The following FAM169A variants were observed in gnomAD, a reference collection of about 807,000 sequenced individuals.
FAM169A encodes the protein soluble lamin-associated protein of 75 kDa.
FAM169A carries 24 observed loss-of-function variants against 75.7 expected under a neutral mutation model. The observed-to-expected ratio is 0.32, with a 90% CI of 0.23 to 0.45. The LOEUF (loss-of-function observed/expected upper bound fraction) is 0.45. Among genes scored for constraint, FAM169A ranks in the 20% least tolerant of loss-of-function variants. FAM169A has a pLI of 1.00. For synonymous variants in FAM169A, 271 were observed against 271.0 expected (o/e 1.00, Z 0.00); for missense variants, 673 against 784.0 (o/e 0.86, Z 1.69).
At chr5:74,822,607 C>T (rs1234417885) in intron 5 of FAM169A, among the ~76,000 whole-genome samples, 1 of 152,140 alleles carries the variant, frequency 6.6e-6, no homozygotes, top group South Asian at 2.1e-4. Flanking sequence ...TTCCTCATAC[C>T]AATATTCACA....
At chr5:74,797,368 G>C (rs886837509) in intron 10 of FAM169A, among the ~76,000 whole-genome samples, 1 of 152,080 alleles carries the variant, frequency 6.6e-6, no homozygotes, top group African/African-American at 2.4e-5. Context: ...GTAGTGACAG[G>C]GTTTTGCCAT....
chr5:74,852,050 CAT>C (rs1749470114), intron 1 of FAM169A, among the ~76,000 whole-genome samples: 1 of 152,104 alleles, frequency 6.6e-6, no homozygotes, highest in African/African-American at 2.4e-5. Context: ...TTAAAGGAAA[CAT>C]GTCTAACTCA....
At chr5:74,839,917 T>C (rs924730427) in intron 3 of FAM169A, among the ~76,000 whole-genome samples, 157 bp downstream of exon 3, 9 of 152,082 alleles carry the variant, frequency 5.9e-5, no homozygotes, top group African/African-American at 1.2e-4. Context: ...CCATCAAACA[T>C]GTAGCTATAA....
At chr5:74,798,869 A>T in intron 10 of FAM169A, 1 of 516,150 alleles carries the variant, frequency 1.9e-6, no homozygotes, top group East Asian at 4.2e-5. Context: ...AGTAAAATTG[A>T]GGGTATTTTA....
In FAM169A at chr5:74,781,799, C is replaced by T. The variant is rs1344797833; in HGVS notation, c.1674G>A (p.Glu558=). ...IAEFSEEPVS[E]NLSPNTTSSL... is the part of the protein sequence containing the mutation. ...AGGAAGTAGTATTAGGAGACAAATT[C>T]TCAGAGACCGGTTCTTCGGAAAATT... is the stretch of plus-strand genomic sequence containing the variant. Residue 558 remains glutamate, a synonymous_variant, in exon 13 of 13, where the codon GAG becomes GAA. Transcript: ENST00000687041. 6.2e-6 allele frequency: 10 copies of T among 1,614,092 alleles called. No homozygotes were observed. In the South Asian group the frequency reaches 1.1e-4, roughly 18 times the overall value.
At chr5:74,861,719 A>G (rs1276519785) in intron 1 of FAM169A, among the ~76,000 whole-genome samples, 1 of 152,158 alleles carries the variant, frequency 6.6e-6, no homozygotes, top group Non-Finnish European at 1.5e-5. Flanking sequence ...CTCTCCTCAC[A>G]TTGTATGTTA....
intron 9 of FAM169A, 76 bp downstream of exon 9, chr5:74,801,514 T>C (rs2112530184): frequency 9.1e-7 from 1 of 1,102,458 alleles, no homozygotes; most frequent in Non-Finnish European, 1.4e-6. Context: ...CACACACACA[T>C]GCATGCACAC....
chr5:74,846,823 G>C (rs1238078407), intron 1 of FAM169A, among the ~76,000 whole-genome samples: 1 of 152,122 alleles, frequency 6.6e-6, no homozygotes, highest in Non-Finnish European at 1.5e-5. Flanking sequence ...TCAGCCTCCA[G>C]TGTGATTATG....
At chr5:74,857,589 A>AC (rs1749786373) in intron 1 of FAM169A, among the ~76,000 whole-genome samples, 1 of 149,710 alleles carries the variant, frequency 6.7e-6, no homozygotes, top group African/African-American at 2.4e-5. Context: ...AAAAAAAAAA[A>AC]AAAAAAAAAA....
intron 1 of FAM169A, among the ~76,000 whole-genome samples, chr5:74,842,864 T>C (rs145615846): frequency 8.3e-4 from 127 of 152,274 alleles, no homozygotes; most frequent in African/African-American, 2.9e-3. Flanking sequence ...AGAGGCATAA[T>C]AACTGGGGTG....
chr5:74,781,402 T>C lies in FAM169A; in HGVS notation c.*58A>G. ...CCATGCTGTTTATTAATTACCATAT[T>C]TTAAAAACAACAACTATGTTACAAA... On this transcript the variant is annotated 3_prime_UTR_variant, in exon 13 of 13. Coordinates refer to ENST00000687041, the MANE Select transcript of FAM169A (RefSeq NM_001376049.1). 1.3e-6 allele frequency: 2 copies of C among 1,520,476 alleles called. No homozygotes were observed. Among genetic ancestry groups the C allele is most frequent in the South Asian group, 2.5e-5 (2 of 80,572 alleles). 94.2% of individuals were successfully genotyped at this position (1,520,476 alleles called of 1,614,324 possible).
chr5:74,810,416 G>A (rs1747114780), intron 6 of FAM169A, among the ~76,000 whole-genome samples: 1 of 152,042 alleles, frequency 6.6e-6, no homozygotes, highest in African/African-American at 2.4e-5. Context: ...ATGTTTGTCA[G>A]AAGTCAGCAA....
rs1473854380 is a variant in FAM169A, at chr5:74,804,409, T to C, written c.912+84A>G. The C allele has an allele frequency of 5.4e-6, 3 of 555,302 alleles. No individual in the cohort carries two copies. In the African/African-American group the frequency reaches 5.8e-5, roughly 11 times the overall value. The allele number at this position is 555,302 out of a possible 1,614,324, so 34.4% of individuals were successfully genotyped here. On this transcript the variant is annotated intron_variant, in intron 8 of 12. Transcript: ENST00000687041. ...GCTTTGTTGAATGAACTATGACATTTAAAACTCAAATATAACCTGTATCTA... is the reference window on the plus strand; with the variant it reads ...GCTTTGTTGAATGAACTATGACATTCAAAACTCAAATATAACCTGTATCTA...
chr5:74,866,472 C>T (rs1399796806), upstream of FAM169A: 1 of 792,168 alleles, frequency 1.3e-6, no homozygotes, highest in Non-Finnish European at 1.5e-6. Flanking sequence ...GGAGCGGCCC[C>T]TCCTCGGAGC....
chr5:74,834,990 C>G (rs1260757033), intron 4 of FAM169A, among the ~76,000 whole-genome samples: 3 of 136,640 alleles, frequency 2.2e-5, no homozygotes, highest in African/African-American at 9.5e-5. Context: ...GCTTTTCAGT[C>G]TCCACATTTA....
intron 5 of FAM169A, among the ~76,000 whole-genome samples, chr5:74,828,821 A>C (rs1463597949): frequency 6.6e-6 from 1 of 152,132 alleles, no homozygotes; most frequent in Non-Finnish European, 1.5e-5. Context: ...CTTTGGTGTC[A>C]TTCTGGTGGT....
At chr5:74,818,552 T>C (rs1048751154) in intron 5 of FAM169A, among the ~76,000 whole-genome samples, 1 of 151,982 alleles carries the variant, frequency 6.6e-6, no homozygotes, top group African/African-American at 2.4e-5. Context: ...CAAAATGTGC[T>C]GAAAGAACCC....
At chr5:74,851,255 C>T (rs779566157) in intron 1 of FAM169A, among the ~76,000 whole-genome samples, 12 of 152,190 alleles carry the variant, frequency 7.9e-5, no homozygotes, top group Non-Finnish European at 1.6e-4. Context: ...TAGCTCACTT[C>T]GTAGTGCAGT....
At chr5:74,857,572 GAAAA>G (rs35476827) in intron 1 of FAM169A, among the ~76,000 whole-genome samples, 44 of 56,294 alleles carry the variant, frequency 7.8e-4, no homozygotes, top group African/African-American at 2.1e-3. Flanking sequence ...CTTGCCGCGG[GAAAA>G]AAAAAAAAAA....
Sources: allele counts gnomAD v4.1 joint callset (sites outside exome capture counted in the v4.1 genomes callset), GRCh38; gene constraint gnomAD v4.1.1; transcripts MANE v1.5; gene names NCBI Gene and HGNC (gene_info 2026-07-23, HGNC 2026-07-21).